Variants in NTRK2 observed in about 807,000 individuals in gnomAD.
The protein encoded by NTRK2 is neurotrophic receptor tyrosine kinase 2, also known as BDNF/NT-3 growth factors receptor.
A neutral mutation model predicts 94.5 loss-of-function variants in NTRK2; 13 were observed. That is an observed-to-expected ratio of 0.14 (90% CI 0.09 to 0.22). NTRK2 has a LOEUF of 0.22. NTRK2 is among the 10% of genes least tolerant of loss of function. The probability of loss-of-function intolerance (pLI) is 1.00; values close to 1 mark genes in which losing one functional copy is unlikely to be tolerated. For synonymous variants in NTRK2, 372 were observed against 407.4 expected, an observed-to-expected ratio of 0.91 and a Z score of 1.05; for missense variants, 639 against 1,071.2, an observed-to-expected ratio of 0.60 and a Z score of 5.63.
intron 17 of NTRK2, among the ~76,000 whole-genome samples, chr9:84,962,384 AC>A (rs1420251896): frequency 6.6e-6 from 1 of 152,214 alleles, no homozygotes; most frequent in African/African-American, 2.4e-5. Context: ...GGCTATAGAA[AC>A]TTTTGGAAAC....
intron 8 of NTRK2, 76 bp downstream of exon 8, chr9:84,724,432 T>C: frequency 6.4e-7 from 1 of 1,556,678 alleles, no homozygotes; most frequent in Non-Finnish European, 8.9e-7. Flanking sequence ...TGGGGCACTC[T>C]GGGTGCTGCT....
intron 12 of NTRK2, among the ~76,000 whole-genome samples, chr9:84,828,528 T>A (rs1471386776): frequency 1.3e-5 from 2 of 152,154 alleles, no homozygotes; most frequent in African/African-American, 4.8e-5. Flanking sequence ...TACCCCCAGA[T>A]GAATTATTGT....
Position 84,751,988 on chromosome 9 carries a change from C to T in NTRK2, c.1299C>T (p.Val433=). ...TDKTGREHLS[V]YAVVVIASVV... ...CCACCCTCCCTTCCTTTCTCTAGGTCTATGCTGTGGTGGTGATTGCGTCTG... is the reference window on the plus strand; with the variant it reads ...CCACCCTCCCTTCCTTTCTCTAGGTTTATGCTGTGGTGGTGATTGCGTCTG... Residue 433 remains valine, a splice_region_variant and synonymous_variant, in exon 12 of 19, where the codon GTC becomes GTT. Transcript: ENST00000277120. The T allele has an allele frequency of 6.2e-7, 1 of 1,613,664 alleles. No individual in the cohort carries two copies. Among genetic ancestry groups the T allele is most frequent in the Non-Finnish European group, 8.5e-7 (1 of 1,179,672 alleles).
At chr9:84,819,535 C>T (rs2072647704) in intron 12 of NTRK2, among the ~76,000 whole-genome samples, 1 of 152,238 alleles carries the variant, frequency 6.6e-6, no homozygotes, top group African/African-American at 2.4e-5. Flanking sequence ...CTCCATCACG[C>T]TTCACTCAAC....
chr9:84,861,345 G>A (rs1165705472), intron 13 of NTRK2, among the ~76,000 whole-genome samples: 2 of 152,158 alleles, frequency 1.3e-5, no homozygotes, highest in African/African-American at 2.4e-5. Flanking sequence ...TGTCGTTCCA[G>A]TTCTAGTTTG....
chr9:84,817,724 T>A (rs1175848588), intron 12 of NTRK2, among the ~76,000 whole-genome samples: 1 of 152,206 alleles, frequency 6.6e-6, no homozygotes, highest in African/African-American at 2.4e-5. Flanking sequence ...AAAAGACAGT[T>A]TCAAGTTCCC....
In NTRK2 at chr9:84,706,531, T is replaced by TTTG. The variant is rs1554699609; in HGVS notation, c.360-1311_360-1310insGTT. ...TGTGTGTTATTTTTTGTTTTTGTTT[T>TTTG]TTTTTTTTTTTTTTTTGAGACGGAG... On this transcript the variant is annotated intron_variant, in intron 4 of 18. Transcript: ENST00000277120. Among the ~76,000 whole-genome samples the TTTG allele has an allele frequency of 2.2e-4, 24 of 107,442 alleles. 2 individuals carry two copies. Among genetic ancestry groups the TTTG allele is most frequent in the African/African-American group, 7.4e-4 (18 of 24,352 alleles). The allele number at this position is 107,442 out of a possible 152,430, so 70.5% of individuals were successfully genotyped here. A position where few individuals can be genotyped will look rare whatever the true frequency, so the allele number is the denominator to read the frequency against.
chr9:84,923,655 G>C (rs888258587), intron 14 of NTRK2, among the ~76,000 whole-genome samples: 1 of 152,146 alleles, frequency 6.6e-6, no homozygotes, highest in African/African-American at 2.4e-5. Flanking sequence ...GGTGGCTCAT[G>C]CCTGTAATTC....
chr9:84,686,850 G>T (rs982097124), intron 2 of NTRK2, among the ~76,000 whole-genome samples: 1 of 152,050 alleles, frequency 6.6e-6, no homozygotes, highest in African/African-American at 2.4e-5. Context: ...AGATTAGAAG[G>T]CTTTTTAAAA....
rs71369159 is a variant in NTRK2 at position 84,888,982 on chromosome 9, A to ATTTTTTTTTTTTTTTTTTTTTT, written c.1633+21556_1633+21577dup. 6.2e-4 allele frequency among the ~76,000 whole-genome samples: 63 copies of ATTTTTTTTTTTTTTTTTTTTTT among 101,710 alleles called. 16 individuals are homozygous for ATTTTTTTTTTTTTTTTTTTTTT. The highest frequency in any genetic ancestry group is 9.7e-3 in the Middle Eastern group (2 of 206). 66.7% of individuals were successfully genotyped at this position (101,710 alleles called of 152,430 possible). On this transcript the variant is annotated intron_variant, in intron 14 of 18. Transcript: ENST00000277120. ...TCCCCATTATTTATTAATGACAGAA[A>ATTTTTTTTTTTTTTTTTTTTTT]TTTTTTTTTTTTTTTTTTTTTTTTT...
chr9:84,947,141 A>G (rs898844978), intron 15 of NTRK2, among the ~76,000 whole-genome samples: 5 of 152,066 alleles, frequency 3.3e-5, no homozygotes, highest in African/African-American at 1.2e-4. Flanking sequence ...TTTTTAGTAG[A>G]GACAGTGTTT....
chr9:84,678,542 T>C (rs1187352), intron 2 of NTRK2, among the ~76,000 whole-genome samples: 106,654 of 152,108 alleles, frequency 0.7, 37,607 homozygotes, highest in East Asian at 0.83. Context: ...GGCCTATGCC[T>C]GAATTGTCTG....
chr9:84,744,650 C>T lies in NTRK2; in HGVS notation c.1196-323C>T, dbSNP rs532556289. On this transcript the variant is annotated intron_variant, in intron 10 of 18. Coordinates refer to ENST00000277120, the MANE Select transcript of NTRK2 (RefSeq NM_006180.6). ...CTATGACACGTAGATGATCGATTCC[C>T]TGTCGTACTTGTTTTAAATATGCCA... 2.1e-4 allele frequency among the ~76,000 whole-genome samples: 32 copies of T among 152,250 alleles called. No individual in the cohort carries two copies. In the South Asian group the frequency reaches 6.2e-3, roughly 30 times the overall value.
At chr9:85,019,816 G>A (rs538840002) in intron 17 of NTRK2, among the ~76,000 whole-genome samples, 8 of 152,152 alleles carry the variant, frequency 5.3e-5, no homozygotes, top group Non-Finnish European at 7.4e-5. Flanking sequence ...GTCACTGGTT[G>A]GTCATTTTGG....
intron 17 of NTRK2, 82 bp downstream of exon 17, chr9:84,955,599 T>G: frequency 8.8e-7 from 1 of 1,135,804 alleles, no homozygotes; most frequent in South Asian, 1.3e-5. Context: ...GAGGCTGTCA[T>G]AACAAAATAT....
At chr9:84,873,384 T>G in intron 14 of NTRK2, 1 of 1,058,728 alleles carries the variant, frequency 9.4e-7, no homozygotes, top group Middle Eastern at 4.2e-4. Context: ...TTTAGGATCC[T>G]TAAAAATTGC....
intron 14 of NTRK2, among the ~76,000 whole-genome samples, chr9:84,910,933 G>T (rs1587905253): frequency 6.6e-6 from 1 of 152,172 alleles, no homozygotes; most frequent in Admixed American, 6.5e-5. Context: ...ATCTACAAAA[G>T]ATTTCACTGG....
At chr9:84,901,783 G>A (rs1158308287) in intron 14 of NTRK2, among the ~76,000 whole-genome samples, 1 of 152,070 alleles carries the variant, frequency 6.6e-6, no homozygotes, top group Non-Finnish European at 1.5e-5. Flanking sequence ...TCTTCTCCAT[G>A]TATGTCTAGA....
chr9:84,865,459 G>A (rs1394668948), intron 13 of NTRK2, among the ~76,000 whole-genome samples: 3 of 152,068 alleles, frequency 2.0e-5, no homozygotes, highest in Admixed American at 2.0e-4. Flanking sequence ...TCCATATGAG[G>A]GGGAAAAATG....
Sources: allele counts gnomAD v4.1 joint callset (sites outside exome capture counted in the v4.1 genomes callset), GRCh38; gene constraint gnomAD v4.1.1; transcripts MANE v1.5; gene names NCBI Gene and HGNC (gene_info 2026-07-23, HGNC 2026-07-21).